The following TRPM1 variants were observed in gnomAD, a reference collection of about 807,000 sequenced individuals.
TRPM1 encodes transient receptor potential cation channel subfamily M member 1.
Under a neutral mutation model 149.4 loss-of-function variants are expected in TRPM1, and 113 were observed. The ratio of observed to expected loss-of-function variants is 0.76; its 90% confidence interval spans 0.65 to 0.88. TRPM1 has a LOEUF of 0.88. Ranked by LOEUF, TRPM1 falls within the 40% of genes least tolerant of loss-of-function variation. The pLI, the probability that TRPM1 is intolerant of heterozygous loss-of-function variation, is 0.00. For missense variants in TRPM1, 1,976 were observed against 2,038.7 expected (o/e 0.97, Z 0.59); for synonymous variants, 741 against 759.5 (o/e 0.98, Z 0.40).
At chr15:31,050,889 ATACT>A (rs1445683562) in intron 11 of TRPM1, among the ~76,000 whole-genome samples, 1 of 152,216 alleles carries the variant, frequency 6.6e-6, no homozygotes, top group African/African-American at 2.4e-5. Context: ...GCGACTTTGC[ATACT>A]TAAAGTGGCT....
intron 24 of TRPM1, among the ~76,000 whole-genome samples, chr15:31,028,806 G>A (rs761977644): frequency 6.6e-6 from 1 of 151,536 alleles, no homozygotes; most frequent in Non-Finnish European, 1.5e-5. Context: ...TCATATCTGC[G>A]CTCAGAGATA....
At position 31,081,417 on chromosome 15, in the gene TRPM1, G is replaced by A; in HGVS notation, c.-62C>T. On this transcript the variant is annotated 5_prime_UTR_variant, in exon 2 of 28. Transcript: ENST00000256552. ...GTCCAGCACTGCAAGTTACTGCTGA[G>A]TCCTCAGAAATCTTCTAGAACCTAC... 6.5e-7 allele frequency: 1 copy of A among 1,534,846 alleles called. No individual in the cohort carries two copies.
chr15:31,026,915 T>G lies in TRPM1; in HGVS notation c.3496A>C (p.Lys1166Gln), dbSNP rs371282051. The change falls in exon 26 of 28, where the codon AAG (lysine) becomes CAG (glutamine). Residue 1166 changes from lysine to glutamine, a missense_variant and splice_region_variant. Lys to Gln is a moderately conservative substitution (Grantham distance 53). This residue lies in a region of TRPM1 where 572 missense variants were observed against 578.9 expected (regional missense o/e 0.99). Transcript: ENST00000256552. Reference sequence around the variant, plus strand: ...TAGAAATGAAGAGCCCTGCACATACTCAATCCACGATCCCGTTCCTCTTGG... The same window carrying G: ...TAGAAATGAAGAGCCCTGCACATACGCAATCCACGATCCCGTTCCTCTTGG... ...GDQEERDRGL[K>Q]LFLSDEELKR... is the part of the protein sequence containing the mutation. 21 of 1,613,426 alleles carry G rather than the reference T, an allele frequency of 1.3e-5. No individual in the cohort carries two copies. Among genetic ancestry groups the G allele is most frequent in the Non-Finnish European group, 1.7e-5 (20 of 1,179,874 alleles).
At chr15:31,113,628 C>T (rs1476762507) in intron 1 of TRPM1, among the ~76,000 whole-genome samples, 1 of 152,144 alleles carries the variant, frequency 6.6e-6, no homozygotes, top group African/African-American at 2.4e-5. Flanking sequence ...TAGCACTTTA[C>T]TGTACAAATT....
At chr15:31,145,682 C>T (rs2036216120) in intron 1 of TRPM1, among the ~76,000 whole-genome samples, 1 of 152,158 alleles carries the variant, frequency 6.6e-6, no homozygotes, top group Non-Finnish European at 1.5e-5. Context: ...CAGTTGCTGA[C>T]ATTTCTCGTT....
chr15:31,026,270 C>T lies in TRPM1; in HGVS notation c.3498G>A (p.Lys1166=), dbSNP rs2032746922. The T allele has an allele frequency of 1.2e-6, 2 of 1,610,280 alleles. No individual in the cohort carries two copies. Among genetic ancestry groups the T allele is most frequent in the Non-Finnish European group, 8.5e-7 (1 of 1,180,010 alleles). ...TTAGCTCCTCGTCGCTAAGGAAGAG[C>T]TCTGTGTGAAGGGAGAAGTGTCGGC... is the stretch of plus-strand genomic sequence containing the variant. ...GDQEERDRGL[K]LFLSDEELKR... is the part of the protein sequence containing the mutation. Residue 1166 remains lysine (K), a splice_region_variant and synonymous_variant, in exon 27 of 28, where the codon AAG becomes AAA. Transcript: ENST00000256552.
Position 31,002,339 on chromosome 15 carries a change from C to T in TRPM1, c.4361G>A (p.Cys1454Tyr), listed in dbSNP as rs761515877. ...RYFPDETINA[C>Y]KTMKSRSFVY... is the part of the protein sequence containing the mutation. ...GAAGCTTCTGGACTTCATTGTTTTACAAGCATTGATCGTTTCATCGGGGAA... is the reference window on the plus strand; with the variant it reads ...GAAGCTTCTGGACTTCATTGTTTTATAAGCATTGATCGTTTCATCGGGGAA... Residue 1454 changes from cysteine (C) to tyrosine (Y), a missense_variant, in exon 28 of 28, where the codon TGT becomes TAT. Physicochemically the swap from Cys to Tyr is radical, Grantham distance 194 (BLOSUM62 -2). This residue lies in a region of TRPM1 where 572 missense variants were observed against 578.9 expected (regional missense o/e 0.99). Transcript: ENST00000256552. The T allele has an allele frequency of 3.1e-6, 5 of 1,614,116 alleles. No homozygotes were observed. The highest frequency in any genetic ancestry group is 1.3e-5 in the African/African-American group (1 of 74,932).
At chr15:31,154,313 A>G (rs2036340456) in intron 1 of TRPM1, among the ~76,000 whole-genome samples, 1 of 152,182 alleles carries the variant, frequency 6.6e-6, no homozygotes, top group Non-Finnish European at 1.5e-5. Flanking sequence ...GAAGCCATAG[A>G]GAGATGGGTG....
chr15:31,027,179 A>G, intron 25 of TRPM1, 62 bp from the exon 26 acceptor site: 1 of 1,510,994 alleles, frequency 6.6e-7, no homozygotes, highest in Admixed American at 1.7e-5. Flanking sequence ...TTCCCAGAGC[A>G]GTCAAAGTTA....
intron 4 of TRPM1, 45 bp from the exon 5 acceptor site, chr15:31,068,137 T>C: frequency 6.4e-7 from 1 of 1,565,892 alleles, no homozygotes; most frequent in Non-Finnish European, 8.8e-7. Flanking sequence ...TTGGTTTTGC[T>C]TCTCGTGTCA....
At chr15:31,029,853 G>C (rs1009034544) in intron 23 of TRPM1, among the ~76,000 whole-genome samples, 1 of 151,636 alleles carries the variant, frequency 6.6e-6, no homozygotes, top group Admixed American at 6.6e-5. Context: ...ACAGCCTAAA[G>C]TTTACCTCTT....
Position 31,066,097 on chromosome 15 carries a change from A to G in TRPM1, c.769T>C (p.Ser257Pro), listed in dbSNP as rs2034366993. The change falls in exon 7 of 28, where the codon TCC (serine) becomes CCC (proline). Residue 257 changes from serine to proline, a missense_variant. Physicochemically the swap from Ser to Pro is moderately conservative, Grantham distance 74 (BLOSUM62 -1). Around this residue, in one of 3 missense-constraint regions of TRPM1, gnomAD observed 1,332 missense variants for 1,347.1 expected, o/e 0.99. Transcript: ENST00000256552. ...KLRRLLEKHI[S>P]LQKINTRLGQ... The stretch of plus-strand genomic sequence containing the variant: ...TTACTTGTGTTGATCTTCTGCAGGG[A>G]GATGTGCTTTTCCAGCAGCCTTCGC... 6.2e-7 allele frequency: 1 copy of G among 1,613,786 alleles called. No individual in the cohort carries two copies. Among genetic ancestry groups the G allele is most frequent in the Non-Finnish European group, 8.5e-7 (1 of 1,179,936 alleles).
intron 27 of TRPM1, among the ~76,000 whole-genome samples, chr15:31,021,416 T>G (rs949015966): frequency 1.3e-5 from 2 of 152,128 alleles, no homozygotes; most frequent in African/African-American, 4.8e-5. Context: ...CAATCCAGGA[T>G]GGGGCATGAT....
At chr15:31,057,341 C>T (rs1414600309) in intron 11 of TRPM1, among the ~76,000 whole-genome samples, 1 of 152,000 alleles carries the variant, frequency 6.6e-6, no homozygotes, top group Admixed American at 6.5e-5. Flanking sequence ...ATGATGAGAA[C>T]ACATGGACAC....
At chr15:31,015,427 A>G (rs1472676354) in intron 27 of TRPM1, among the ~76,000 whole-genome samples, 2 of 150,832 alleles carry the variant, frequency 1.3e-5, no homozygotes, top group Non-Finnish European at 1.5e-5. Context: ...AAAAAAAAAG[A>G]AAAGAAGAGA....
chr15:31,046,163 A>G lies in TRPM1; in HGVS notation c.1794+41T>C, dbSNP rs765506012. On this transcript the variant is annotated intron_variant, in intron 16 of 27. Transcript: ENST00000256552. ...AACTTAAAAGGGCTATGTATATTTG[A>G]CCAGGATATTATAAAACTGTTGAAA... The G allele has an allele frequency of 3.3e-5, 53 of 1,601,948 alleles. No individual in the cohort carries two copies. The South Asian group carries it at 5.5e-4, about 17-fold the overall frequency.
chr15:31,037,392 T>C (rs754014679), intron 20 of TRPM1, among the ~76,000 whole-genome samples: 1 of 152,256 alleles, frequency 6.6e-6, no homozygotes, highest in African/African-American at 2.4e-5. Flanking sequence ...TCTCTGTTCA[T>C]TTAAAAATAA....
At chr15:31,108,359 A>T (rs185683018) in intron 1 of TRPM1, among the ~76,000 whole-genome samples, 70 of 152,332 alleles carry the variant, frequency 4.6e-4, no homozygotes, top group African/African-American at 1.6e-3. Flanking sequence ...GACGTCTGTT[A>T]GGTCAATGTA....
At chr15:31,144,559 G>A (rs1406667442) in intron 1 of TRPM1, among the ~76,000 whole-genome samples, 2 of 151,880 alleles carry the variant, frequency 1.3e-5, no homozygotes, top group Admixed American at 1.3e-4. Context: ...ATGTAAATAA[G>A]GTCAATGAGA....
Sources: gnomAD v4.1 joint callset for allele counts (sites outside exome capture counted in the v4.1 genomes callset) on GRCh38, gnomAD v4.1.1 for gene constraint, gnomAD v4.1.1 regional missense constraint, MANE v1.5 for transcripts, NCBI Gene and HGNC (gene_info 2026-07-23, HGNC 2026-07-21) for gene names.